The following FUT9 variants were observed in gnomAD, a reference collection of about 807,000 sequenced individuals.
FUT9 encodes the protein fucosyltransferase 9.
FUT9 carries 15 observed loss-of-function variants against 29.7 expected under a neutral mutation model. The observed-to-expected ratio is 0.51, with a 90% CI of 0.34 to 0.78. The LOEUF is 0.78. Ranked by LOEUF, FUT9 falls within the 30% of genes least tolerant of loss-of-function variation. The pLI is 0.01. For synonymous variants in FUT9, 169 were observed against 153.7 expected (o/e 1.10, Z -0.74); for missense variants, 319 against 425.4 (o/e 0.75, Z 2.20).
At chr6:96,107,984 CTT>C (rs753293696) in intron 1 of FUT9, among the ~76,000 whole-genome samples, 16 of 140,744 alleles carry the variant, frequency 1.1e-4, no homozygotes, top group African/African-American at 2.1e-4. Context: ...CTCATGGCCA[CTT>C]TTTTTTTTTT....
At chr6:96,024,367 T>C (rs62418400) in intron 1 of FUT9, among the ~76,000 whole-genome samples, 35,603 of 151,640 alleles carry the variant, frequency 0.23, 6,456 homozygotes, top group African/African-American at 0.47. Context: ...AATCAGAGGG[T>C]AAGGGAGGAG....
At chr6:96,163,800 A>G (rs1221862261) in intron 2 of FUT9, among the ~76,000 whole-genome samples, 1 of 152,228 alleles carries the variant, frequency 6.6e-6, no homozygotes, top group Non-Finnish European at 1.5e-5. Flanking sequence ...CTAGGATTAC[A>G]GGCACAAGCC....
intron 2 of FUT9, among the ~76,000 whole-genome samples, chr6:96,201,160 T>G (rs1289575448): frequency 6.6e-6 from 1 of 152,014 alleles, no homozygotes; most frequent in Non-Finnish European, 1.5e-5. Context: ...TATTTGCCTT[T>G]AGTTGTTGTT....
At chr6:96,151,112 A>G (rs1772667134) in intron 2 of FUT9, among the ~76,000 whole-genome samples, 1 of 152,214 alleles carries the variant, frequency 6.6e-6, no homozygotes, top group Admixed American at 6.5e-5. Context: ...GGGTAACACC[A>G]AGAAAAATGT....
rs1285832596 is a variant in FUT9 at position 96,215,019 on chromosome 6, C to T, written c.*10784C>T. ...TAGTCAGTCCTAGCACTGTAGACGCCGACTTTACCAACCAAGATAGTGTAT... is the reference window on the plus strand; with the variant it reads ...TAGTCAGTCCTAGCACTGTAGACGCTGACTTTACCAACCAAGATAGTGTAT... On this transcript the variant is annotated 3_prime_UTR_variant, in exon 3 of 3. Transcript: ENST00000302103. The T allele has an allele frequency of 1.8e-5, 3 of 166,932 alleles. No homozygotes were observed. The highest frequency in any genetic ancestry group is 1.9e-4 in the East Asian group (1 of 5,190). 10.3% of individuals were successfully genotyped at this position (166,932 alleles called of 1,614,324 possible).
intron 1 of FUT9, among the ~76,000 whole-genome samples, chr6:96,092,977 A>G (rs1771436983): frequency 6.6e-6 from 1 of 152,086 alleles, no homozygotes; most frequent in Non-Finnish European, 1.5e-5. Context: ...TATGTTTCCC[A>G]GGCTGGTCTC....
At chr6:96,137,394 T>C (rs895037269) in intron 2 of FUT9, among the ~76,000 whole-genome samples, 3 of 152,190 alleles carry the variant, frequency 2.0e-5, no homozygotes, top group African/African-American at 7.2e-5. Context: ...AAGGCAGATG[T>C]GTCATACAGA....
intron 2 of FUT9, among the ~76,000 whole-genome samples, chr6:96,174,813 G>T (rs1773175240): frequency 6.6e-6 from 1 of 152,110 alleles, no homozygotes; most frequent in Non-Finnish European, 1.5e-5. Flanking sequence ...TAAACTCAAA[G>T]ACTTTTTCAA....
intron 2 of FUT9, among the ~76,000 whole-genome samples, chr6:96,135,153 C>T (rs923850356): frequency 2.6e-5 from 4 of 151,792 alleles, no homozygotes; most frequent in Non-Finnish European, 3.0e-5. Context: ...GATAAATTAT[C>T]ATGTGTATTA....
chr6:96,023,747 A>G (rs564016837), intron 1 of FUT9, among the ~76,000 whole-genome samples: 1 of 151,964 alleles, frequency 6.6e-6, no homozygotes, highest in South Asian at 2.1e-4. Flanking sequence ...CTCTCATTAC[A>G]CTGTTTCACT....
chr6:96,198,447 T>C (rs1773667912), intron 2 of FUT9, among the ~76,000 whole-genome samples: 1 of 152,182 alleles, frequency 6.6e-6, no homozygotes, highest in Admixed American at 6.6e-5. Flanking sequence ...GGACATGAAC[T>C]CATCCTTTTT....
rs115520468 is a variant in FUT9 at position 96,059,337 on chromosome 6, G to T, written c.-98+43125G>T. ...TAGACTCATTTCTCCATCTTGATCTGTGCTGACTCCACGTGAGGTCAGTCA... is the reference window on the plus strand; with the variant it reads ...TAGACTCATTTCTCCATCTTGATCTTTGCTGACTCCACGTGAGGTCAGTCA... On this transcript the variant is annotated intron_variant, in intron 1 of 2. Transcript: ENST00000302103. Among the ~76,000 whole-genome samples, 900 of 152,276 alleles carry T rather than the reference G, an allele frequency of 5.9e-3. 11 individuals are homozygous for T. Among genetic ancestry groups the T allele is most frequent in the African/African-American group, 0.021 (859 of 41,558 alleles).
At chr6:96,120,740 T>C (rs1479027923) in intron 2 of FUT9, among the ~76,000 whole-genome samples, 1 of 149,512 alleles carries the variant, frequency 6.7e-6, no homozygotes, top group Non-Finnish European at 1.5e-5. Context: ...ATTTTAGGAG[T>C]AATTGGGGTA....
chr6:96,160,218 C>T (rs895294187), intron 2 of FUT9, among the ~76,000 whole-genome samples: 13 of 152,090 alleles, frequency 8.5e-5, no homozygotes, highest in East Asian at 5.8e-4. Context: ...CTGGGAATTC[C>T]GAAATCTGTG....
intron 1 of FUT9, among the ~76,000 whole-genome samples, chr6:96,051,530 G>T (rs1333570330): frequency 6.6e-6 from 1 of 151,940 alleles, no homozygotes; most frequent in Admixed American, 6.6e-5. Context: ...GTGTGTGCCT[G>T]TGCTCCCAGC....
At chr6:96,041,249 T>C (rs1307838538) in intron 1 of FUT9, among the ~76,000 whole-genome samples, 1 of 152,006 alleles carries the variant, frequency 6.6e-6, no homozygotes, top group Non-Finnish European at 1.5e-5. Flanking sequence ...CACAATAAAA[T>C]ATTTTATATA....
chr6:96,179,019 C>G (rs896696409), intron 2 of FUT9, among the ~76,000 whole-genome samples: 1 of 151,916 alleles, frequency 6.6e-6, no homozygotes, highest in Non-Finnish European at 1.5e-5. Context: ...TCGAAAGAAT[C>G]TGGGTCTTAT....
chr6:96,122,425 A>G (rs1772047058), intron 2 of FUT9, among the ~76,000 whole-genome samples: 2 of 152,204 alleles, frequency 1.3e-5, no homozygotes, highest in Admixed American at 6.5e-5. Flanking sequence ...ACATTAAAGC[A>G]ATATTTAAAA....
chr6:96,024,218 T>C (rs1288273782), intron 1 of FUT9, among the ~76,000 whole-genome samples: 1 of 151,836 alleles, frequency 6.6e-6, no homozygotes, highest in Non-Finnish European at 1.5e-5. Context: ...AAAGTCTGAT[T>C]CCCTTATTTT....
Sources: allele counts gnomAD v4.1 joint callset (sites outside exome capture counted in the v4.1 genomes callset), GRCh38; gene constraint gnomAD v4.1.1; transcripts MANE v1.5; gene names NCBI Gene and HGNC (gene_info 2026-07-23, HGNC 2026-07-21).